The following SYT16 variants were observed in gnomAD, a reference collection of about 807,000 sequenced individuals.
SYT16 encodes synaptotagmin 16.
A neutral mutation model predicts 61.4 loss-of-function variants in SYT16; 42 were observed. That is an observed-to-expected ratio of 0.68 (90% CI 0.53 to 0.89). The LOEUF (loss-of-function observed/expected upper bound fraction) is 0.89. Among genes scored for constraint, SYT16 ranks in the 40% least tolerant of loss-of-function variants. SYT16 has a pLI of 0.00. For synonymous variants in SYT16, 314 were observed against 302.3 expected (o/e 1.04, Z -0.40); for missense variants, 804 against 807.3 (o/e 1.00, Z 0.05).
chr14:61,930,575 G>T (rs1468259001), intron 1 of SYT16, among the ~76,000 whole-genome samples: 1 of 151,900 alleles, frequency 6.6e-6, no homozygotes, highest in Non-Finnish European at 1.5e-5. Context: ...GTTCTAGTAG[G>T]CCGAATAGTG....
chr14:61,864,794 C>A, intron 1 of SYT16: 1 of 944,426 alleles, frequency 1.1e-6, no homozygotes, highest in Middle Eastern at 2.2e-4. Context: ...TGTCTGCCAG[C>A]GCCTGGAGGG....
chr14:61,864,865 AC>A, intron 1 of SYT16: 1 of 1,156,250 alleles, frequency 8.6e-7, no homozygotes. Flanking sequence ...TCTCCCAGCC[AC>A]CCCCGGCGGA....
chr14:62,062,760 G>A (rs143676397), intron 3 of SYT16, among the ~76,000 whole-genome samples: 6 of 151,876 alleles, frequency 4.0e-5, no homozygotes, highest in East Asian at 1.9e-4. Context: ...GAGAAATCTC[G>A]TATCTAAGGG....
chr14:61,977,791 A>T (rs1342524152), intron 2 of SYT16, among the ~76,000 whole-genome samples: 1 of 152,084 alleles, frequency 6.6e-6, no homozygotes, highest in East Asian at 1.9e-4. Flanking sequence ...AGAATGGAGG[A>T]TTTGGGGGAT....
At chr14:61,831,040 A>G (rs920189892) in intron 1 of SYT16, among the ~76,000 whole-genome samples, 1 of 152,182 alleles carries the variant, frequency 6.6e-6, no homozygotes, top group Non-Finnish European at 1.5e-5. Flanking sequence ...GGCTAAGGGG[A>G]TGGATTCTCA....
intron 1 of SYT16, among the ~76,000 whole-genome samples, chr14:61,930,214 A>G (rs921638247): frequency 2.0e-5 from 3 of 151,982 alleles, no homozygotes; most frequent in Non-Finnish European, 4.4e-5. Flanking sequence ...CACTTCATCC[A>G]TGAGTTTTAT....
intron 3 of SYT16, among the ~76,000 whole-genome samples, chr14:62,042,472 C>T (rs2054774152): frequency 6.6e-6 from 1 of 152,156 alleles, no homozygotes; most frequent in African/African-American, 2.4e-5. Flanking sequence ...CAATGGTCTA[C>T]CTGGGGCTGA....
intron 1 of SYT16, among the ~76,000 whole-genome samples, chr14:61,833,314 C>T (rs190522085): frequency 3.5e-5 from 5 of 141,128 alleles, no homozygotes; most frequent in Non-Finnish European, 6.1e-5. Flanking sequence ...TTTTTTGAGA[C>T]GGAGTCTTGT....
intron 1 of SYT16, among the ~76,000 whole-genome samples, chr14:61,828,762 T>C (rs1446609730): frequency 6.6e-6 from 1 of 152,268 alleles, no homozygotes; most frequent in Non-Finnish European, 1.5e-5. Flanking sequence ...TCAGATCCAC[T>C]ATGTGCAGTG....
At chr14:62,040,618 T>C (rs1325888534) in intron 3 of SYT16, among the ~76,000 whole-genome samples, 1 of 152,236 alleles carries the variant, frequency 6.6e-6, no homozygotes, top group East Asian at 1.9e-4. Flanking sequence ...TTTTTTTCTT[T>C]CTGCATTTAA....
At chr14:61,956,023 T>G (rs1327973470) in intron 1 of SYT16, among the ~76,000 whole-genome samples, 2 of 152,042 alleles carry the variant, frequency 1.3e-5, no homozygotes, top group Non-Finnish European at 2.9e-5. Flanking sequence ...TGAGGTGATA[T>G]CTCATGGTGG....
intron 6 of SYT16, 114 bp downstream of exon 6, chr14:62,081,388 C>T: frequency 8.3e-7 from 1 of 1,208,744 alleles, no homozygotes; most frequent in Non-Finnish European, 1.1e-6. Flanking sequence ...TTTAATTTTC[C>T]ATTTGGCTCT....
chr14:62,008,647 T>C (rs1444268512), intron 3 of SYT16, among the ~76,000 whole-genome samples: 1 of 144,108 alleles, frequency 6.9e-6, no homozygotes, highest in East Asian at 1.9e-4. Context: ...TTTTTTTTTT[T>C]GCTGCAAGCA....
rs189840922 is a variant in SYT16 at position 61,821,474 on chromosome 14, C to T, written c.-325+8664C>T. On this transcript the variant is annotated intron_variant, in intron 1 of 7. Coordinates refer to ENST00000683842, the MANE Select transcript of SYT16 (RefSeq NM_001367656.1). Reference sequence around the variant, plus strand: ...AAGGTGTCAGCTATGGCTGGGCTTTCATCTGAAGGCTTGAGTGGGGCAGAT... The same window carrying T: ...AAGGTGTCAGCTATGGCTGGGCTTTTATCTGAAGGCTTGAGTGGGGCAGAT... Among the ~76,000 whole-genome samples, 51 of 152,304 alleles carry T rather than the reference C, an allele frequency of 3.3e-4. No individual in the cohort carries two copies. The East Asian group carries it at 8.7e-3, about 26-fold the overall frequency.
intron 3 of SYT16, among the ~76,000 whole-genome samples, chr14:62,040,332 G>C (rs1254919): frequency 6.6e-6 from 1 of 151,946 alleles, no homozygotes; most frequent in Non-Finnish European, 1.5e-5. Flanking sequence ...AGATGCTAGA[G>C]GGTCAAAGTT....
intron 2 of SYT16, among the ~76,000 whole-genome samples, chr14:61,986,234 A>C (rs2052304696): frequency 6.6e-6 from 1 of 152,062 alleles, no homozygotes; most frequent in South Asian, 2.1e-4. Flanking sequence ...TTAACCAGCT[A>C]AACAACTTTT....
intron 1 of SYT16, among the ~76,000 whole-genome samples, chr14:61,897,515 T>C (rs2048366612): frequency 1.3e-5 from 2 of 152,146 alleles, no homozygotes; most frequent in Admixed American, 6.5e-5. Context: ...CATAACCTGA[T>C]TTGCATCTTA....
intron 1 of SYT16, among the ~76,000 whole-genome samples, chr14:61,901,543 C>CT (rs1472875396): frequency 6.6e-6 from 1 of 152,090 alleles, no homozygotes; most frequent in African/African-American, 2.4e-5. Context: ...CTCCTATGCC[C>CT]TATACACTCA....
chr14:61,870,920 G>A (rs570116279), intron 1 of SYT16, among the ~76,000 whole-genome samples: 1 of 152,152 alleles, frequency 6.6e-6, no homozygotes, highest in Non-Finnish European at 1.5e-5. Context: ...TCTAGTTATT[G>A]AATCCCTCCC....
Sources: allele counts gnomAD v4.1 joint callset (sites outside exome capture counted in the v4.1 genomes callset), GRCh38; gene constraint gnomAD v4.1.1; transcripts MANE v1.5; gene names NCBI Gene and HGNC (gene_info 2026-07-23, HGNC 2026-07-21).